Variants in EPDR1 observed in about 807,000 individuals in gnomAD.
EPDR1 encodes the protein mammalian ependymin-related protein 1.
Under a neutral mutation model 23.7 loss-of-function variants are expected in EPDR1, and 27 were observed. The observed-to-expected ratio is 1.14, with a 90% CI of 0.84 to 1.57. The LOEUF (loss-of-function observed/expected upper bound fraction) is 1.57. Among genes scored for constraint, EPDR1 ranks in the 40% most tolerant of loss-of-function variants. The pLI, the probability that EPDR1 is intolerant of heterozygous loss-of-function variation, is 0.00. For missense variants in EPDR1, 349 were observed against 290.4 expected (o/e 1.20, Z -1.47); for synonymous variants, 137 against 118.2 (o/e 1.16, Z -1.03).
chr7:37,935,220 CAGACAAGGGAG>C (rs1243037111), intron 1 of EPDR1, among the ~76,000 whole-genome samples: 1 of 152,106 alleles, frequency 6.6e-6, no homozygotes, highest in East Asian at 1.9e-4. Flanking sequence ...TATTGAGAGA[CAGACAAGGGAG>C]AAGGGGTACA....
intron 1 of EPDR1, among the ~76,000 whole-genome samples, chr7:37,928,982 C>A (rs1351240019): frequency 6.6e-6 from 1 of 152,076 alleles, no homozygotes; most frequent in Non-Finnish European, 1.5e-5. Flanking sequence ...ATACGTCATG[C>A]CACTTCTTGG....
At chr7:37,931,490 GGT>G (rs1469435834) in intron 1 of EPDR1, among the ~76,000 whole-genome samples, 1 of 151,396 alleles carries the variant, frequency 6.6e-6, no homozygotes, top group Non-Finnish European at 1.5e-5. Context: ...CTTCAGCCTG[GGT>G]GATAGAGCAA....
At chr7:37,931,544 G>A (rs1785940771) in intron 1 of EPDR1, among the ~76,000 whole-genome samples, 1 of 151,906 alleles carries the variant, frequency 6.6e-6, no homozygotes, top group Non-Finnish European at 1.5e-5. Flanking sequence ...ATAAAAAAAA[G>A]AGAAGTCTGA....
chr7:37,935,186 T>C (rs1048777995), intron 1 of EPDR1, among the ~76,000 whole-genome samples: 2 of 152,068 alleles, frequency 1.3e-5, no homozygotes, highest in Non-Finnish European at 2.9e-5. Context: ...GAGGGACTAA[T>C]CAGTGTGATT....
At position 37,926,600 on chromosome 7, in the gene EPDR1, T is replaced by C. The variant is rs776250405; in HGVS notation, c.269+5392T>C. ...CTTGCACTTTAGTGCTTTTAAAGAT[T>C]GCAGGCCAGTTATTTTGTAGAATGT... On this transcript the variant is annotated intron_variant, in intron 1 of 2. Transcript: ENST00000199448. 24 of 438,824 alleles carry C rather than the reference T, an allele frequency of 5.5e-5. 1 individual carries two copies. Among genetic ancestry groups the C allele is most frequent in the South Asian group, 3.6e-4 (22 of 61,458 alleles). The allele number at this position is 438,824 out of a possible 1,614,324, so 27.2% of individuals were successfully genotyped here. A position where few individuals can be genotyped will look rare whatever the true frequency, so the allele number is the denominator to read the frequency against.
intron 1 of EPDR1, among the ~76,000 whole-genome samples, chr7:37,924,629 T>G (rs1583661297): frequency 6.6e-6 from 1 of 152,342 alleles, no homozygotes; most frequent in Non-Finnish European, 1.5e-5. Context: ...TAGGTGCTGG[T>G]TTCACAGTTA....
At chr7:37,935,384 T>A (rs1285382463) in intron 1 of EPDR1, among the ~76,000 whole-genome samples, 2 of 152,210 alleles carry the variant, frequency 1.3e-5, no homozygotes, top group Non-Finnish European at 2.9e-5. Context: ...AATGATTTGT[T>A]TCCCTGTTAA....
intron 1 of EPDR1, among the ~76,000 whole-genome samples, chr7:37,936,039 T>TATATATATACACAC (rs57925993): frequency 1.1e-4 from 9 of 80,946 alleles, no homozygotes; most frequent in African/African-American, 3.4e-4. Context: ...TATATATATA[T>TATATATATACACAC]ACACAAGGGA....
chr7:37,932,892 C>T (rs1785973373), intron 1 of EPDR1, among the ~76,000 whole-genome samples: 1 of 152,196 alleles, frequency 6.6e-6, no homozygotes. Flanking sequence ...GGAAAAAAAG[C>T]TCTTCAATTT....
chr7:37,921,589 C>G (rs917777400), intron 1 of EPDR1: 21 of 931,312 alleles, frequency 2.3e-5, no homozygotes, highest in Non-Finnish European at 2.7e-5. Flanking sequence ...TCTGCGCTAT[C>G]TCATTTCTTT....
At position 37,921,180 on chromosome 7, in the gene EPDR1, G is replaced by C. The variant is rs745401873; in HGVS notation, c.241G>C (p.Glu81Gln). ...GLNQRVRVLD[E>Q]RKALIPCKRL... ...CAACCAGCGCGTGCGGGTGCTGGACGAGAGGAAGGCGCTGATCCCCTGCAA... is the reference window on the plus strand; with the variant it reads ...CAACCAGCGCGTGCGGGTGCTGGACCAGAGGAAGGCGCTGATCCCCTGCAA... The change falls in exon 1 of 3, where the codon GAG becomes CAG. Residue 81 changes from glutamate (E) to glutamine (Q), a missense_variant. Transcript: ENST00000199448. The C allele has an allele frequency of 2.5e-6, 4 of 1,592,050 alleles. No individual in the cohort carries two copies. The highest frequency in any genetic ancestry group is 2.2e-5 in the South Asian group (2 of 90,854).
intron 1 of EPDR1, among the ~76,000 whole-genome samples, chr7:37,932,838 A>G (rs1785972150): frequency 6.6e-6 from 1 of 152,252 alleles, no homozygotes; most frequent in South Asian, 2.1e-4. Flanking sequence ...CAGATGAAAG[A>G]GTATTTGCCT....
At chr7:37,922,665 T>TGGC (rs145894040) in intron 1 of EPDR1, among the ~76,000 whole-genome samples, 1 of 150,054 alleles carries the variant, frequency 6.7e-6, no homozygotes, top group Non-Finnish European at 1.5e-5. Context: ...TTGAGGAAGC[T>TGGC]AGGGGGGGGT....
chr7:37,940,217 T>C (rs1483120605), intron 1 of EPDR1, among the ~76,000 whole-genome samples: 1 of 152,144 alleles, frequency 6.6e-6, no homozygotes, highest in Non-Finnish European at 1.5e-5. Flanking sequence ...TTCACATATG[T>C]AGTTGCTTAT....
intron 1 of EPDR1, among the ~76,000 whole-genome samples, chr7:37,929,541 A>G (rs1043280029): frequency 1.6e-4 from 25 of 152,146 alleles, no homozygotes; most frequent in Admixed American, 3.3e-4. Context: ...CTGATAATAT[A>G]CATTCATTGT....
chr7:37,926,142 T>G (rs1785804726), intron 1 of EPDR1, among the ~76,000 whole-genome samples: 1 of 152,228 alleles, frequency 6.6e-6, no homozygotes, highest in Admixed American at 6.5e-5. Context: ...TCACCTAAGG[T>G]AACTTCAGTA....
intron 1 of EPDR1, among the ~76,000 whole-genome samples, chr7:37,932,917 TC>T (rs1785973799): frequency 6.6e-6 from 1 of 152,250 alleles, no homozygotes; most frequent in Non-Finnish European, 1.5e-5. Flanking sequence ...AGCACTTTTT[TC>T]ATCTTTTGAA....
intron 1 of EPDR1, among the ~76,000 whole-genome samples, chr7:37,933,309 C>T (rs1406106607): frequency 6.6e-6 from 1 of 152,154 alleles, no homozygotes; most frequent in Non-Finnish European, 1.5e-5. Flanking sequence ...TTTGTAATCA[C>T]AATATAATAT....
intron 1 of EPDR1, among the ~76,000 whole-genome samples, chr7:37,934,272 G>A (rs536152428): frequency 2.7e-4 from 41 of 152,108 alleles, no homozygotes; most frequent in Non-Finnish European, 5.6e-4. Context: ...CACCACGCCC[G>A]ACCTACTCTG....
Sources: gnomAD v4.1 joint callset for allele counts (sites outside exome capture counted in the v4.1 genomes callset) on GRCh38, gnomAD v4.1.1 for gene constraint, MANE v1.5 for transcripts, NCBI Gene and HGNC (gene_info 2026-07-23, HGNC 2026-07-21) for gene names.